Variants in ADAMTS16 observed in about 807,000 individuals in gnomAD.
ADAMTS16 encodes A disintegrin and metalloproteinase with thrombospondin motifs 16.
A neutral mutation model predicts 145.8 loss-of-function variants in ADAMTS16; 94 were observed. That is an observed-to-expected ratio of 0.64 (90% CI 0.55 to 0.77). ADAMTS16 has a LOEUF of 0.77. ADAMTS16 is among the 30% of genes least tolerant of loss of function. ADAMTS16 has a pLI of 0.00. For missense variants in ADAMTS16, 1,585 were observed against 1,591.5 expected (o/e 1.00, Z 0.07); for synonymous variants, 659 against 604.3 (o/e 1.09, Z -1.33).
intron 3 of ADAMTS16, among the ~76,000 whole-genome samples, chr5:5,165,563 G>T (rs1279682486): frequency 6.6e-6 from 1 of 152,200 alleles, no homozygotes; most frequent in Admixed American, 6.5e-5. Context: ...TTTCCTGGAA[G>T]CTGAACCCTA....
At chr5:5,240,000 G>A in intron 16 of ADAMTS16, 75 bp downstream of exon 16, 1 of 1,557,438 alleles carries the variant, frequency 6.4e-7, no homozygotes, top group Admixed American at 1.9e-5. Flanking sequence ...AATGGCTGTT[G>A]GCATAATTTT....
chr5:5,303,547 T>A, intron 19 of ADAMTS16, 25 bp from the exon 20 acceptor site: 1 of 1,611,462 alleles, frequency 6.2e-7, no homozygotes, highest in South Asian at 1.1e-5. Context: ...CCTCACTGGG[T>A]GCTTATCCTG....
intron 10 of ADAMTS16, among the ~76,000 whole-genome samples, chr5:5,216,462 C>G (rs949313505): frequency 1.3e-5 from 2 of 152,010 alleles, no homozygotes; most frequent in Non-Finnish European, 2.9e-5. Context: ...AAGATTTTCT[C>G]TCACACTGTG....
In ADAMTS16 at chr5:5,229,322, A is replaced by G. The variant is rs1037242996; in HGVS notation, c.1702-3046A>G. Among the ~76,000 whole-genome samples, 8 of 151,780 alleles carry G rather than the reference A, an allele frequency of 5.3e-5. No homozygotes were observed. The East Asian group carries it at 1.2e-3, about 22-fold the overall frequency. On this transcript the variant is annotated intron_variant, in intron 11 of 22. Coordinates refer to ENST00000274181, the MANE Select transcript of ADAMTS16 (RefSeq NM_139056.4). ...TCCGTCTCAAAAAAAAAAAAAAAAA[A>G]AAGAAGTTCTAAGTTGCTAACCAAT...
At chr5:5,318,840 T>C (rs1254126509) in intron 22 of ADAMTS16, among the ~76,000 whole-genome samples, 183 bp from the exon 23 acceptor site, 1 of 152,174 alleles carries the variant, frequency 6.6e-6, no homozygotes, top group African/African-American at 2.4e-5. Flanking sequence ...GCAGAAAACT[T>C]CCAAGAAGGC....
chr5:5,280,865 G>C (rs1738876556), intron 18 of ADAMTS16, among the ~76,000 whole-genome samples: 1 of 152,196 alleles, frequency 6.6e-6, no homozygotes, highest in Non-Finnish European at 1.5e-5. Context: ...ACGTTGCTCA[G>C]AACTGTTCTG....
At chr5:5,147,177 AT>A (rs1303458598) in intron 3 of ADAMTS16, among the ~76,000 whole-genome samples, 5 of 152,148 alleles carry the variant, frequency 3.3e-5, no homozygotes, top group African/African-American at 1.2e-4. Flanking sequence ...ATTTTCATAT[AT>A]TTAGGGAGAA....
intron 17 of ADAMTS16, among the ~76,000 whole-genome samples, chr5:5,257,024 T>TC (rs35622327): frequency 0.022 from 3,358 of 152,256 alleles, 41 homozygotes; most frequent in Non-Finnish European, 0.032. Context: ...CTTAAGGAAG[T>TC]CCGTAAGATT....
intron 3 of ADAMTS16, among the ~76,000 whole-genome samples, chr5:5,175,590 A>G (rs1319715434): frequency 6.6e-6 from 1 of 152,160 alleles, no homozygotes; most frequent in African/African-American, 2.4e-5. Context: ...TAGGAATTTC[A>G]GTTCTTGTGG....
chr5:5,204,744 T>C (rs1423302645), intron 9 of ADAMTS16, among the ~76,000 whole-genome samples: 2 of 152,226 alleles, frequency 1.3e-5, no homozygotes, highest in Non-Finnish European at 2.9e-5. Flanking sequence ...ACTGTGAATA[T>C]TCTCTTGGTT....
In ADAMTS16 at chr5:5,191,651, C is replaced by T. The variant is rs201312261; in HGVS notation, c.1208-34C>T. ...ACTATGCTTTATTTTATTACAACAC[C>T]GCTATGTGTTCTTTTGATCTTTGTC... On this transcript the variant is annotated intron_variant, in intron 7 of 22. Transcript: ENST00000274181. 425 of 1,516,022 alleles carry T rather than the reference C, an allele frequency of 2.8e-4. 1 individual carries two copies. Among genetic ancestry groups the T allele is most frequent in the South Asian group, 3.5e-4 (31 of 88,216 alleles). 93.9% of individuals were successfully genotyped at this position (1,516,022 alleles called of 1,614,324 possible). A position where few individuals can be genotyped will look rare whatever the true frequency, so the allele number is the denominator to read the frequency against.
In ADAMTS16 at chr5:5,303,782, T is replaced by C; in HGVS notation, c.3186+16T>C. 1 of 1,610,384 alleles carries C rather than the reference T, an allele frequency of 6.2e-7. No individual in the cohort carries two copies. On this transcript the variant is annotated intron_variant, in intron 20 of 22. Coordinates refer to ENST00000274181, the MANE Select transcript of ADAMTS16 (RefSeq NM_139056.4). ...CTGGTCCCAGGTAGGTGCACTGGTC[T>C]CGCGGGAGCGAGGTTGACTAGCTCT...
intron 17 of ADAMTS16, among the ~76,000 whole-genome samples, chr5:5,257,181 C>T (rs779113865): frequency 2.6e-5 from 4 of 152,076 alleles, no homozygotes; most frequent in Non-Finnish European, 5.9e-5. Flanking sequence ...TGAAATTGTG[C>T]CCCAGTTTGC....
In ADAMTS16 at chr5:5,207,114, C is replaced by T. The variant is rs367999196; in HGVS notation, c.1452-1979C>T. On this transcript the variant is annotated intron_variant, in intron 9 of 22. Coordinates refer to ENST00000274181, the MANE Select transcript of ADAMTS16 (RefSeq NM_139056.4). The stretch of plus-strand genomic sequence containing the variant: ...CTTCCTTTAGTTTTGATTGACATTG[C>T]AATGAAGCTATAGATTAAAATGGGA... 2.0e-5 allele frequency among the ~76,000 whole-genome samples: 3 copies of T among 152,264 alleles called. No individual in the cohort carries two copies. In the East Asian group the frequency reaches 5.8e-4, roughly 29 times the overall value.
chr5:5,305,300 A>T (rs1740059073), intron 20 of ADAMTS16, among the ~76,000 whole-genome samples: 1 of 97,756 alleles, frequency 1.0e-5, no homozygotes, highest in Admixed American at 1.1e-4. Flanking sequence ...CACCACACAC[A>T]CACACATCCC....
In ADAMTS16 at chr5:5,312,809, A is replaced by G. The variant is rs190122086; in HGVS notation, c.3412-5325A>G. Reference sequence around the variant, plus strand: ...TGCTGTCTTTTGAGTCAGGTAAAGCAGCAAGTGAGCTAGGCAGCTGAGTCG... The same window carrying G: ...TGCTGTCTTTTGAGTCAGGTAAAGCGGCAAGTGAGCTAGGCAGCTGAGTCG... On this transcript the variant is annotated intron_variant, in intron 21 of 22. Transcript: ENST00000274181. Among the ~76,000 whole-genome samples the G allele has an allele frequency of 8.5e-5, 13 of 152,272 alleles. No individual in the cohort carries two copies. The East Asian group carries it at 2.3e-3, about 27-fold the overall frequency.
intron 18 of ADAMTS16, among the ~76,000 whole-genome samples, chr5:5,290,921 G>A (rs780344279): frequency 1.3e-5 from 2 of 152,064 alleles, no homozygotes; most frequent in South Asian, 2.1e-4. Context: ...CGGGCTCTTC[G>A]GGCGTCACTG....
intron 8 of ADAMTS16, among the ~76,000 whole-genome samples, chr5:5,196,006 T>G (rs928306494): frequency 2.6e-5 from 4 of 151,950 alleles, no homozygotes; most frequent in African/African-American, 9.7e-5. Context: ...GGTGGGTGGA[T>G]CATGAGGTCA....
In ADAMTS16 at chr5:5,146,416, C is replaced by G. The variant is rs748626118; in HGVS notation, c.462C>G (p.His154Gln). 8 of 1,612,752 alleles carry G rather than the reference C, an allele frequency of 5.0e-6. No homozygotes were observed. The South Asian group carries it at 7.7e-5, about 15-fold the overall frequency. ...FCFYQGSLRS[H>Q]RNSSVALSTC... is the part of the protein sequence containing the mutation. Reference sequence around the variant, plus strand: ...TCTATCAAGGCTCTTTGCGATCACACAGAAACTCCTCAGTGGCCCTTTCAA... The same window carrying G: ...TCTATCAAGGCTCTTTGCGATCACAGAGAAACTCCTCAGTGGCCCTTTCAA... The change falls in exon 3 of 23, where the codon CAC (histidine) becomes CAG (glutamine). Residue 154 changes from histidine (H) to glutamine (Q), a missense_variant. Physicochemically the swap from His to Gln is conservative, Grantham distance 24. Coordinates refer to ENST00000274181, the MANE Select transcript of ADAMTS16 (RefSeq NM_139056.4).
Sources: allele counts gnomAD v4.1 joint callset (sites outside exome capture counted in the v4.1 genomes callset), GRCh38; gene constraint gnomAD v4.1.1; transcripts MANE v1.5; gene names NCBI Gene and HGNC (gene_info 2026-07-23, HGNC 2026-07-21).